The following CENPC variants were observed in gnomAD, a reference collection of about 807,000 sequenced individuals.
CENPC encodes centromere protein C, also known as CENP-C 1.
CENPC carries 63 observed loss-of-function variants against 112.1 expected under a neutral mutation model. That is an observed-to-expected ratio of 0.56 (90% CI 0.46 to 0.69). CENPC has a LOEUF of 0.69. Ranked by LOEUF, CENPC falls within the 30% of genes least tolerant of loss-of-function variation. The pLI, the probability that CENPC is intolerant of heterozygous loss-of-function variation, is 0.00. For synonymous variants in CENPC, 333 were observed against 367.6 expected (o/e 0.91, Z 1.08); for missense variants, 1,000 against 1,103.8 (o/e 0.91, Z 1.33).
chr4:67,526,426 C>G (rs962703212), intron 5 of CENPC, among the ~76,000 whole-genome samples: 1 of 151,488 alleles, frequency 6.6e-6, no homozygotes, highest in South Asian at 2.1e-4. Flanking sequence ...AAAAATGGAC[C>G]GATACCTCAG....
At chr4:67,541,130 A>C in intron 2 of CENPC, 80 bp from the exon 3 acceptor site, 80 of 826,670 alleles carry the variant, frequency 9.7e-5, no homozygotes, top group Non-Finnish European at 1.5e-4. Context: ...TCCACATCTC[A>C]TTATAAAATA....
chr4:67,528,553 G>A (rs893523053), intron 5 of CENPC, among the ~76,000 whole-genome samples: 4 of 152,140 alleles, frequency 2.6e-5, no homozygotes, highest in African/African-American at 9.7e-5. Context: ...CCTCATGTAA[G>A]TAGAACTACA....
At chr4:67,522,800 G>C (rs1316231100) in intron 5 of CENPC, among the ~76,000 whole-genome samples, 1 of 152,084 alleles carries the variant, frequency 6.6e-6, no homozygotes, top group African/African-American at 2.4e-5. Flanking sequence ...AGGGGTTCCA[G>C]ATGAGCCTGG....
intron 12 of CENPC, among the ~76,000 whole-genome samples, chr4:67,498,440 C>A (rs1008574565): frequency 6.6e-6 from 1 of 152,132 alleles, no homozygotes; most frequent in Non-Finnish European, 1.5e-5. Context: ...TAGCATTTTA[C>A]TCACAGCAGA....
rs773689681 is a variant in CENPC, at chr4:67,514,323, T to C, written c.1195A>G (p.Lys399Glu). 3.1e-6 allele frequency: 5 copies of C among 1,610,932 alleles called. No individual in the cohort carries two copies. In the African/African-American group the frequency reaches 4.0e-5, roughly 13 times the overall value. ...GETVNNYRST[K>E]YEMYSKNAEK... Reference sequence around the variant, plus strand: ...GCATTCTTGGAATACATTTCATATTTTGTAGATCTATAATTATTTACTGTT... The same window carrying C: ...GCATTCTTGGAATACATTTCATATTCTGTAGATCTATAATTATTTACTGTT... Residue 399 changes from lysine to glutamate, a missense_variant, in exon 8 of 19, where the codon AAA becomes GAA. Coordinates refer to ENST00000273853, the MANE Select transcript of CENPC (RefSeq NM_001812.4).
intron 9 of CENPC, among the ~76,000 whole-genome samples, chr4:67,510,482 T>G (rs1256045499): frequency 6.6e-6 from 1 of 152,198 alleles, no homozygotes; most frequent in Non-Finnish European, 1.5e-5. Flanking sequence ...TCTATGTATA[T>G]TCCCAATGCC....
chr4:67,497,383 A>G (rs916353988), intron 12 of CENPC, among the ~76,000 whole-genome samples: 2 of 152,186 alleles, frequency 1.3e-5, no homozygotes, highest in Non-Finnish European at 2.9e-5. Context: ...GTCTTAAAAA[A>G]AAATTTAAAA....
At chr4:67,539,979 T>C in intron 3 of CENPC, 45 bp from the exon 4 acceptor site, 1 of 993,656 alleles carries the variant, frequency 1.0e-6, no homozygotes, top group Non-Finnish European at 1.5e-6. Context: ...TATAGTGTAA[T>C]ATCTATTAGT....
In CENPC at chr4:67,472,688, T is replaced by C; in HGVS notation, c.2762-13A>G. 2 of 1,491,612 alleles carry C rather than the reference T, an allele frequency of 1.3e-6. No individual in the cohort carries two copies. Among genetic ancestry groups the C allele is most frequent in the Non-Finnish European group, 1.8e-6 (2 of 1,126,408 alleles). The allele number at this position is 1,491,612 out of a possible 1,614,324, so 92.4% of individuals were successfully genotyped here. On this transcript the variant is annotated splice_polypyrimidine_tract_variant and intron_variant, in intron 18 of 18. Transcript: ENST00000273853. Reference sequence around the variant, plus strand: ...TTATAATAGTTACCTAAAAGTAAAGTGATAAGAAAATAAAAATTATTTACA... The same window carrying C: ...TTATAATAGTTACCTAAAAGTAAAGCGATAAGAAAATAAAAATTATTTACA...
intron 17 of CENPC, among the ~76,000 whole-genome samples, chr4:67,484,407 G>A (rs1407017688): frequency 6.6e-6 from 1 of 152,200 alleles, no homozygotes; most frequent in Non-Finnish European, 1.5e-5. Flanking sequence ...CCCAGGACAG[G>A]GACCGCTACT....
chr4:67,511,295 A>G (rs944487794), intron 9 of CENPC, among the ~76,000 whole-genome samples: 2 of 152,202 alleles, frequency 1.3e-5, no homozygotes, highest in Admixed American at 6.5e-5. Context: ...AATAATTCAT[A>G]GCAATAAGGC....
At chr4:67,502,778 C>T (rs1194124949) in intron 12 of CENPC, among the ~76,000 whole-genome samples, 2 of 152,164 alleles carry the variant, frequency 1.3e-5, no homozygotes, top group African/African-American at 4.8e-5. Context: ...TGCCATTCTT[C>T]CAGGAGCTCG....
chr4:67,527,440 A>T (rs954534083), intron 5 of CENPC, among the ~76,000 whole-genome samples: 24 of 151,754 alleles, frequency 1.6e-4, no homozygotes, highest in African/African-American at 4.8e-4. Context: ...TCTTAATGTG[A>T]AAGATCAAAT....
At chr4:67,524,044 G>T (rs1726303857) in intron 5 of CENPC, among the ~76,000 whole-genome samples, 1 of 151,468 alleles carries the variant, frequency 6.6e-6, no homozygotes, top group South Asian at 2.1e-4. Context: ...CAAGCAGAAG[G>T]ATGGGAAAAA....
intron 11 of CENPC, among the ~76,000 whole-genome samples, 192 bp from the exon 12 acceptor site, chr4:67,505,476 T>C (rs1477167849): frequency 6.6e-6 from 1 of 152,186 alleles, no homozygotes; most frequent in African/African-American, 2.4e-5. Flanking sequence ...GGATCCACTG[T>C]GGATACCAAA....
At chr4:67,507,807 C>A (rs371145891) in intron 10 of CENPC, among the ~76,000 whole-genome samples, 1 of 152,082 alleles carries the variant, frequency 6.6e-6, no homozygotes, top group African/African-American at 2.4e-5. Flanking sequence ...AGCTACCGAT[C>A]AGAACCCCTC....
intron 17 of CENPC, among the ~76,000 whole-genome samples, chr4:67,482,096 G>C (rs377416113): frequency 1.3e-5 from 2 of 152,182 alleles, no homozygotes; most frequent in East Asian, 3.9e-4. Flanking sequence ...TCATCAAAAA[G>C]TGGGCTAAGG....
chr4:67,501,083 A>G (rs1725578002), intron 12 of CENPC, among the ~76,000 whole-genome samples: 1 of 152,134 alleles, frequency 6.6e-6, no homozygotes, highest in South Asian at 2.1e-4. Flanking sequence ...TGAGGTGTGC[A>G]GATCACTTGA....
At chr4:67,501,539 G>A (rs989482739) in intron 12 of CENPC, among the ~76,000 whole-genome samples, 3 of 152,226 alleles carry the variant, frequency 2.0e-5, no homozygotes, top group Admixed American at 6.5e-5. Context: ...AAATGCAGTC[G>A]ACGATCCAGG....
Sources: allele counts gnomAD v4.1 joint callset (sites outside exome capture counted in the v4.1 genomes callset), GRCh38; gene constraint gnomAD v4.1.1; transcripts MANE v1.5; gene names NCBI Gene and HGNC (gene_info 2026-07-23, HGNC 2026-07-21).